SERPINB8: variants seen among roughly 807,000 people sequenced by gnomAD.
SERPINB8 encodes the protein serpin family B member 8, also known as serpin B8.
In SERPINB8, 25 loss-of-function variants were observed where a neutral mutation model predicts 35.3. The ratio of observed to expected loss-of-function variants is 0.71; its 90% CI spans 0.52 to 0.99. The LOEUF (loss-of-function observed/expected upper bound fraction) is 0.99, where lower values mean the gene tolerates loss of function less well. Ranked by LOEUF, SERPINB8 falls within the 50% of genes least tolerant of loss-of-function variation. SERPINB8 has a pLI of 0.00. For missense variants in SERPINB8, 484 were observed against 446.5 expected, an observed-to-expected ratio of 1.08 and a Z score of -0.76; for synonymous variants, 186 against 160.8, an observed-to-expected ratio of 1.16 and a Z score of -1.19.
In SERPINB8 at chr18:63,986,118, G is replaced by C. The variant is rs1386327171; in HGVS notation, c.721-756G>C. On this transcript the variant is annotated intron_variant, in intron 6 of 6. Transcript: ENST00000397985. ...TTGTGGCCACTTATGAGAAAATTAG[G>C]AGAGTCTAGAAATAGAGTCAAAATC... is the stretch of plus-strand genomic sequence containing the variant. 3 of 727,554 alleles carry C rather than the reference G, an allele frequency of 4.1e-6. No homozygotes were observed. In the African/African-American group the frequency reaches 5.4e-5, roughly 13 times the overall value. The allele number at this position is 727,554 out of a possible 1,614,324, so 45.1% of individuals were successfully genotyped here.
At chr18:63,974,859 G>T (rs1435824879) in intron 1 of SERPINB8, among the ~76,000 whole-genome samples, 1 of 152,082 alleles carries the variant, frequency 6.6e-6, no homozygotes, top group African/African-American at 2.4e-5. Context: ...GTGTGTGAGT[G>T]TGTGCACATG....
chr18:63,999,259 C>T (rs2050863587), intron 1 of SERPINB8, among the ~76,000 whole-genome samples: 1 of 152,200 alleles, frequency 6.6e-6, no homozygotes. Context: ...CACTCCTTGA[C>T]CCCATATGTA....
intron 1 of SERPINB8, among the ~76,000 whole-genome samples, chr18:63,974,291 A>G (rs1216004198): frequency 6.6e-6 from 1 of 152,142 alleles, no homozygotes; most frequent in Non-Finnish European, 1.5e-5. Flanking sequence ...TGATTAACGC[A>G]TTTATTTTTC....
intron 5 of SERPINB8, among the ~76,000 whole-genome samples, chr18:63,984,386 A>G (rs372706729): frequency 6.6e-6 from 1 of 152,322 alleles, no homozygotes; most frequent in African/African-American, 2.4e-5. Flanking sequence ...AGTGGCAACT[A>G]TGCCTATTTA....
intron 1 of SERPINB8, among the ~76,000 whole-genome samples, chr18:63,970,984 T>A (rs1167996195): frequency 1.3e-5 from 2 of 152,084 alleles, no homozygotes; most frequent in Non-Finnish European, 2.9e-5. Flanking sequence ...GCTGCTTCAC[T>A]CCTGAGACCT....
intron 2 of SERPINB8, among the ~76,000 whole-genome samples, chr18:63,979,453 T>TGGTG (rs1333704328): frequency 6.6e-6 from 1 of 152,182 alleles, no homozygotes; most frequent in Non-Finnish European, 1.5e-5. Context: ...GGTTCTCACC[T>TGGTG]GGTGGGTGGG....
intron 1 of SERPINB8, among the ~76,000 whole-genome samples, chr18:63,972,049 A>G (rs903298718): frequency 3.9e-5 from 6 of 152,098 alleles, no homozygotes; most frequent in Admixed American, 1.3e-4. Context: ...TATTGAATAA[A>G]TACAAAAGAA....
downstream of SERPINB8, among the ~76,000 whole-genome samples, chr18:64,006,887 A>C (rs1380452304): frequency 6.6e-6 from 1 of 152,226 alleles, no homozygotes; most frequent in African/African-American, 2.4e-5. Flanking sequence ...TAGAAAAAAC[A>C]AGGCTGAAAA....
chr18:63,999,086 C>A (rs2050862762), intron 1 of SERPINB8, among the ~76,000 whole-genome samples: 1 of 152,162 alleles, frequency 6.6e-6, no homozygotes, highest in African/African-American at 2.4e-5. Flanking sequence ...ACATGAGAAC[C>A]TTTGGTCCTG....
chr18:64,010,234 C>T (rs188804958), downstream of SERPINB8, among the ~76,000 whole-genome samples: 6 of 152,190 alleles, frequency 3.9e-5, no homozygotes, highest in East Asian at 5.8e-4. Flanking sequence ...AATTAGAGAA[C>T]GGACTCTAAA....
chr18:63,985,007 A>C (rs1373339810), intron 5 of SERPINB8, 86 bp from the exon 6 acceptor site: 3 of 1,348,566 alleles, frequency 2.2e-6, no homozygotes, highest in Non-Finnish European at 3.1e-6. Context: ...AATTATACAC[A>C]CCTAGAGTTT....
downstream of SERPINB8, among the ~76,000 whole-genome samples, chr18:64,010,311 G>A (rs2050920246): frequency 6.6e-6 from 1 of 152,104 alleles, no homozygotes; most frequent in African/African-American, 2.4e-5. Context: ...TGGCTGGTGG[G>A]AACAGGCATT....
intron 1 of SERPINB8, among the ~76,000 whole-genome samples, chr18:63,976,671 T>C (rs2050587087): frequency 6.6e-6 from 1 of 152,246 alleles, no homozygotes; most frequent in South Asian, 2.1e-4. Flanking sequence ...GTTTAGTTTG[T>C]TTATTTAGTC....
intron 7 of SERPINB8, among the ~76,000 whole-genome samples, chr18:64,013,519 C>T (rs2050935544): frequency 6.6e-6 from 1 of 152,146 alleles, no homozygotes; most frequent in Non-Finnish European, 1.5e-5. Context: ...ATTTCACATG[C>T]CAACAGATTG....
chr18:64,008,399 C>T (rs1054949438), downstream of SERPINB8, among the ~76,000 whole-genome samples: 9 of 151,800 alleles, frequency 5.9e-5, no homozygotes, highest in African/African-American at 9.7e-5. Flanking sequence ...CCTGCCACCA[C>T]GCGGGCTAAT....
At chr18:64,017,015 CTGTT>C (rs767245009) in intron 7 of SERPINB8, among the ~76,000 whole-genome samples, 6 of 152,192 alleles carry the variant, frequency 3.9e-5, no homozygotes, top group Admixed American at 2.6e-4. Context: ...AAAAACCTGT[CTGTT>C]CACAGCTCCA....
At chr18:63,973,092 T>A (rs1291251515) in intron 1 of SERPINB8, among the ~76,000 whole-genome samples, 2 of 152,210 alleles carry the variant, frequency 1.3e-5, no homozygotes, top group South Asian at 4.1e-4. Context: ...GTTGAACTAG[T>A]TTACAGTCCT....
At chr18:63,975,182 T>G (rs972684898) in intron 1 of SERPINB8, among the ~76,000 whole-genome samples, 1 of 152,048 alleles carries the variant, frequency 6.6e-6, no homozygotes, top group Non-Finnish European at 1.5e-5. Context: ...AGTCCAAAGC[T>G]CTTATGCTAA....
At chr18:63,989,966 A>AC (rs1429489938), downstream of SERPINB8, among the ~76,000 whole-genome samples, 389 of 144,980 alleles carry the variant, frequency 2.7e-3, 19 homozygotes, top group African/African-American at 9.8e-3. Context: ...AAAAAAAAAA[A>AC]AAACCAAAAT....
Sources: allele counts gnomAD v4.1 joint callset (sites outside exome capture counted in the v4.1 genomes callset), GRCh38; gene constraint gnomAD v4.1.1; transcripts MANE v1.5; gene names NCBI Gene and HGNC (gene_info 2026-07-23, HGNC 2026-07-21).